MMP20: variants seen among roughly 807,000 people sequenced by gnomAD.
MMP20 encodes the protein matrix metallopeptidase 20.
Under a neutral mutation model 51.8 loss-of-function variants are expected in MMP20, and 50 were observed. The ratio of observed to expected loss-of-function variants is 0.97; its 90% CI spans 0.77 to 1.22. The LOEUF is 1.22. Ranked by LOEUF, MMP20 falls within the 50% of genes most tolerant of loss-of-function variation. The pLI, the probability that MMP20 is intolerant of heterozygous loss-of-function variation, is 0.00. For synonymous variants in MMP20, 244 were observed against 216.2 expected (o/e 1.13, Z -1.13); for missense variants, 663 against 601.4 (o/e 1.10, Z -1.07).
chr11:102,578,481 G>A (rs17098593), intron 9 of MMP20, among the ~76,000 whole-genome samples: 7,395 of 152,182 alleles, frequency 0.049, 211 homozygotes, highest in Non-Finnish European at 0.059. Context: ...TCTTGACCCC[G>A]GTAGACTTTA....
rs774431820 is a variant in MMP20 at position 102,606,656 on chromosome 11, C to T, written c.832G>A (p.Gly278Arg). 8 of 1,613,936 alleles carry T rather than the reference C, an allele frequency of 5.0e-6. No individual in the cohort carries two copies. Among genetic ancestry groups the T allele is most frequent in the Admixed American group, 3.3e-5 (2 of 59,996 alleles). The change falls in exon 6 of 10, where the codon GGG (glycine) becomes AGG (arginine). Residue 278 changes from glycine to arginine, a missense_variant. By Grantham distance (125) the Gly-to-Arg change is moderately radical. Transcript: ENST00000260228. Reference sequence around the variant, plus strand: ...GGGGCATGGGGCAGAGTGGGCTTCCCCAGGAATACTTTCCGAGGTCCTAGG... The same window carrying T: ...GGGGCATGGGGCAGAGTGGGCTTCCTCAGGAATACTTTCCGAGGTCCTAGG... Reference protein sequence around the residue: ...ALYGPRKVFLGKPTLPHAPHH... With the variant: ...ALYGPRKVFLRKPTLPHAPHH...
chr11:102,601,068 T>A (rs1859439576), intron 6 of MMP20, among the ~76,000 whole-genome samples: 1 of 151,540 alleles, frequency 6.6e-6, no homozygotes, highest in African/African-American at 2.4e-5. Flanking sequence ...TGAATATCTG[T>A]AAAATTCTTA....
chr11:102,604,704 T>G (rs1367650757), intron 6 of MMP20, among the ~76,000 whole-genome samples: 1 of 152,170 alleles, frequency 6.6e-6, no homozygotes, highest in Non-Finnish European at 1.5e-5. Context: ...TTTTAAAAAT[T>G]AGAAATAATC....
At chr11:102,590,712 A>C (rs1476737544) in intron 8 of MMP20, among the ~76,000 whole-genome samples, 2 of 152,244 alleles carry the variant, frequency 1.3e-5, no homozygotes, top group Admixed American at 1.3e-4. Flanking sequence ...AATGTAGTGA[A>C]ATTCTTATTC....
chr11:102,610,058 A>C, intron 3 of MMP20, 28 bp from the exon 4 acceptor site: 1 of 1,613,596 alleles, frequency 6.2e-7, no homozygotes, highest in Non-Finnish European at 8.5e-7. Context: ...AAGGCCAACA[A>C]GATTGAGTCC....
chr11:102,601,959 T>A (rs1859451368), intron 6 of MMP20, among the ~76,000 whole-genome samples: 1 of 149,770 alleles, frequency 6.7e-6, no homozygotes, highest in African/African-American at 2.5e-5. Flanking sequence ...TTCTTTTTTT[T>A]TTTTTTTTGA....
chr11:102,596,678 G>T (rs576702054), intron 6 of MMP20, among the ~76,000 whole-genome samples: 1 of 152,300 alleles, frequency 6.6e-6, no homozygotes, highest in African/African-American at 2.4e-5. Flanking sequence ...TGGCCCAAAG[G>T]TCACTGGTGG....
At chr11:102,617,638 A>G (rs1436672198) in intron 1 of MMP20, among the ~76,000 whole-genome samples, 1 of 152,132 alleles carries the variant, frequency 6.6e-6, no homozygotes, top group African/African-American at 2.4e-5. Flanking sequence ...TGTGTTTAGT[A>G]TGTGGGCTGG....
At chr11:102,600,288 G>A (rs905515259) in intron 6 of MMP20, among the ~76,000 whole-genome samples, 8 of 152,172 alleles carry the variant, frequency 5.3e-5, no homozygotes, top group Non-Finnish European at 7.4e-5. Context: ...AGTGGTTACT[G>A]TTATTGTTTT....
At chr11:102,593,309 C>G in intron 8 of MMP20, 130 bp downstream of exon 8, 1 of 819,684 alleles carries the variant, frequency 1.2e-6, no homozygotes, top group South Asian at 1.6e-5. Flanking sequence ...GTAAATCGCA[C>G]CCCAGTGGCC....
chr11:102,581,124 T>C lies in MMP20; in HGVS notation c.1248-1982A>G, dbSNP rs187879755. ...CCTGGTTTTTCTCATCTGGAAAACA[T>C]TGGTCATGAGGGTAAGAGACAATTT... On this transcript the variant is annotated intron_variant, in intron 8 of 9. Coordinates refer to ENST00000260228, the MANE Select transcript of MMP20 (RefSeq NM_004771.4). 2.2e-3 allele frequency among the ~76,000 whole-genome samples: 332 copies of C among 151,984 alleles called. 1 individual carries two copies. The highest frequency in any genetic ancestry group is 0.017 in the Middle Eastern group (5 of 294).
intron 8 of MMP20, among the ~76,000 whole-genome samples, chr11:102,584,429 T>C (rs1395619857): frequency 6.6e-6 from 1 of 152,228 alleles, no homozygotes; most frequent in African/African-American, 2.4e-5. Flanking sequence ...TATATCTTTG[T>C]TGGAGAAATG....
chr11:102,604,928 G>A (rs543425785), intron 6 of MMP20, among the ~76,000 whole-genome samples: 45 of 152,258 alleles, frequency 3.0e-4, no homozygotes, highest in Middle Eastern at 3.4e-3. Flanking sequence ...CAGAGAAAAC[G>A]TCAGGAGGGA....
intron 2 of MMP20, among the ~76,000 whole-genome samples, chr11:102,612,151 T>C (rs1482153231): frequency 6.6e-6 from 1 of 152,206 alleles, no homozygotes; most frequent in Non-Finnish European, 1.5e-5. Context: ...ATTGTTATTA[T>C]ACTACCACCG....
At chr11:102,610,325 G>C (rs1344383808) in intron 3 of MMP20, among the ~76,000 whole-genome samples, 2 of 151,102 alleles carry the variant, frequency 1.3e-5, no homozygotes, top group Non-Finnish European at 3.0e-5. Flanking sequence ...TGTGGACTTT[G>C]CATGTGCCAC....
intron 2 of MMP20, among the ~76,000 whole-genome samples, chr11:102,614,382 G>A (rs1364752487): frequency 1.3e-5 from 2 of 152,134 alleles, no homozygotes; most frequent in East Asian, 3.9e-4. Flanking sequence ...AGAGTGGATA[G>A]GCAATGTGTG....
intron 6 of MMP20, 101 bp from the exon 7 acceptor site, chr11:102,594,858 C>A (rs1859362852): frequency 1.4e-6 from 2 of 1,441,136 alleles, no homozygotes; most frequent in South Asian, 1.2e-5. Flanking sequence ...AGGCCACTCA[C>A]TAAATGCCCT....
At chr11:102,587,623 G>A (rs1859269732) in intron 8 of MMP20, among the ~76,000 whole-genome samples, 1 of 151,786 alleles carries the variant, frequency 6.6e-6, no homozygotes, top group Non-Finnish European at 1.5e-5. Flanking sequence ...ACATTTTTGG[G>A]GCCCTGTGTT....
rs1211544103 is a variant in MMP20, at chr11:102,594,711, T to C, written c.1000A>G (p.Ser334Gly). The C allele has an allele frequency of 1.9e-6, 3 of 1,605,944 alleles. No homozygotes were observed. Among genetic ancestry groups the C allele is most frequent in the Non-Finnish European group, 2.5e-6 (3 of 1,178,850 alleles). ...QVHLRTGIRP[S>G]TITSSFPQLM... ...TGGGGGAAGGAGCTGGTAATAGTGCTGGGCCGAATTCCTGTCCGCAAGTGA... is the reference window on the plus strand; with the variant it reads ...TGGGGGAAGGAGCTGGTAATAGTGCCGGGCCGAATTCCTGTCCGCAAGTGA... The change falls in exon 7 of 10, where the codon AGC becomes GGC. Residue 334 changes from serine (S) to glycine (G), a missense_variant. Coordinates refer to ENST00000260228, the MANE Select transcript of MMP20 (RefSeq NM_004771.4).
Sources: gnomAD v4.1 joint callset for allele counts (sites outside exome capture counted in the v4.1 genomes callset) on GRCh38, gnomAD v4.1.1 for gene constraint, MANE v1.5 for transcripts, NCBI Gene and HGNC (gene_info 2026-07-23, HGNC 2026-07-21) for gene names.